The following MEGF6 variants were observed in gnomAD, a reference collection of about 807,000 sequenced individuals.
MEGF6 encodes multiple EGF like domains 6, also known as multiple epidermal growth factor-like domains protein 6.
Under a neutral mutation model 207.1 loss-of-function variants are expected in MEGF6, and 184 were observed. That is an observed-to-expected ratio of 0.89 (90% CI 0.79 to 1.00). MEGF6 has a LOEUF of 1.00. Ranked by LOEUF, MEGF6 falls within the 50% of genes least tolerant of loss-of-function variation. MEGF6 has a pLI of 0.00. For synonymous variants in MEGF6, 1,038 were observed against 910.0 expected (o/e 1.14, Z -2.53); for missense variants, 2,282 against 2,202.9 (o/e 1.04, Z -0.72).
At chr1:3,557,504 C>A (rs977126566) in intron 4 of MEGF6, among the ~76,000 whole-genome samples, 3 of 152,226 alleles carry the variant, frequency 2.0e-5, no homozygotes, top group Non-Finnish European at 2.9e-5. Flanking sequence ...ACGTGCCCAC[C>A]TCGCTGGGCG....
chr1:3,512,118 T>G lies in MEGF6; in HGVS notation c.864A>C (p.Glu288Asp). The G allele has an allele frequency of 6.2e-7, 1 of 1,607,182 alleles. No homozygotes were observed. Among genetic ancestry groups the G allele is most frequent in the Non-Finnish European group, 8.5e-7 (1 of 1,175,862 alleles). The stretch of plus-strand genomic sequence containing the variant: ...CACACTGGGCCAGCCCTGCGGCACA[T>G]TCGTCCACATCTGGAGGGGAGAGAC... ...ADGKACEDVD[E>D]CAAGLAQCAH... The change falls in exon 8 of 37, where the codon GAA becomes GAC. Residue 288 changes from glutamate (E) to aspartate (D), a missense_variant. Glu to Asp is a conservative substitution (Grantham distance 45). Transcript: ENST00000356575.
At chr1:3,588,609 G>A (rs529893865) in intron 3 of MEGF6, among the ~76,000 whole-genome samples, 60 of 152,014 alleles carry the variant, frequency 3.9e-4, no homozygotes, top group Admixed American at 2.8e-3. Context: ...GCACTGAAGC[G>A]TCCTCCCTGG....
In MEGF6 at chr1:3,490,070, G is replaced by A. The variant is rs548288964; in HGVS notation, c.*458C>T. Reference sequence around the variant, plus strand: ...TTCCAGCTGATCCCAGGGCTGCAGCGGGCATGTGCAGTGGCCCATAAATAC... The same window carrying A: ...TTCCAGCTGATCCCAGGGCTGCAGCAGGCATGTGCAGTGGCCCATAAATAC... On this transcript the variant is annotated 3_prime_UTR_variant, in exon 37 of 37. Coordinates refer to ENST00000356575, the MANE Select transcript of MEGF6 (RefSeq NM_001409.4). 8 of 165,290 alleles carry A rather than the reference G, an allele frequency of 4.8e-5. No individual in the cohort carries two copies. The highest frequency in any genetic ancestry group is 1.9e-4 in the East Asian group (1 of 5,386). 10.2% of individuals were successfully genotyped at this position (165,290 alleles called of 1,614,324 possible).
At chr1:3,588,673 C>G (rs1040348777) in intron 3 of MEGF6, among the ~76,000 whole-genome samples, 2 of 152,016 alleles carry the variant, frequency 1.3e-5, no homozygotes, top group Non-Finnish European at 2.9e-5. Flanking sequence ...AGGCTGGGCA[C>G]AGAGAAGGGC....
rs549005182 is a variant in MEGF6 at position 3,556,096 on chromosome 1, G to C, written c.481+23729C>G. Among the ~76,000 whole-genome samples the C allele has an allele frequency of 6.6e-6, 1 of 152,214 alleles. No individual in the cohort carries two copies. The highest frequency in any genetic ancestry group is 2.4e-5 in the African/African-American group (1 of 41,454). On this transcript the variant is annotated intron_variant, in intron 4 of 36. Coordinates refer to ENST00000356575, the MANE Select transcript of MEGF6 (RefSeq NM_001409.4). This position sits in a 1 kb window ranked among gnomAD's most constrained non-coding sequence, Gnocchi z 4.4. ...GTGGGCTGGGTTCAGAGACCTTGGG[G>C]GTGGGCTCCACCTGTTACAGCAGGA...
intron 14 of MEGF6, 106 bp from the exon 15 acceptor site, chr1:3,506,342 TG>T: frequency 7.1e-7 from 1 of 1,401,432 alleles, no homozygotes. Flanking sequence ...GCACAGGAGC[TG>T]GGAGCAGCCC....
chr1:3,581,275 C>T (rs988996982), intron 3 of MEGF6, among the ~76,000 whole-genome samples: 1 of 152,092 alleles, frequency 6.6e-6, no homozygotes, highest in Non-Finnish European at 1.5e-5. Context: ...CACCCTCCTG[C>T]AATCACAGCC....
the MEGF6 span, among the ~76,000 whole-genome samples, chr1:3,620,936 C>T: frequency 8.5e-5 from 13 of 152,216 alleles, no homozygotes; most frequent in Non-Finnish European, 2.9e-5. Context: ...CCCCGTTTGG[C>T]AGCTGAGGCG....
In MEGF6 at chr1:3,587,894, G is replaced by A. The variant is rs1355323892; in HGVS notation, c.376+7444C>T. ...GGAGTGGCCAGGAGTGGCCAGGAGGGGGCAGGAGTGGCCAGGAGGGGGCAG... is the reference window on the plus strand; with the variant it reads ...GGAGTGGCCAGGAGTGGCCAGGAGGAGGCAGGAGTGGCCAGGAGGGGGCAG... On this transcript the variant is annotated intron_variant, in intron 3 of 36. Coordinates refer to ENST00000356575, the MANE Select transcript of MEGF6 (RefSeq NM_001409.4). Among the ~76,000 whole-genome samples, 219 of 130,046 alleles carry A rather than the reference G, an allele frequency of 1.7e-3. 13 individuals are homozygous for A. In the East Asian group the frequency reaches 0.026, roughly 15 times the overall value. The allele number at this position is 130,046 out of a possible 152,430, so 85.3% of individuals were successfully genotyped here.
chr1:3,522,124 A>C lies in MEGF6; in HGVS notation c.604+2000T>G, dbSNP rs188405601. On this transcript the variant is annotated intron_variant, in intron 5 of 36. Coordinates refer to ENST00000356575, the MANE Select transcript of MEGF6 (RefSeq NM_001409.4). The stretch of plus-strand genomic sequence containing the variant: ...ACAGCTCCGGGGCTGTATTTCCTGA[A>C]GCTTCAGCGTAAAGGCCTTGCTGGG... Among the ~76,000 whole-genome samples, 36 of 152,320 alleles carry C rather than the reference A, an allele frequency of 2.4e-4. 2 individuals are homozygous for C. Among genetic ancestry groups the C allele is most frequent in the Admixed American group, 2.2e-3 (33 of 15,314 alleles).
At chr1:3,611,888 C>T (rs143541130), upstream of MEGF6, among the ~76,000 whole-genome samples, 1,101 of 152,082 alleles carry the variant, frequency 7.2e-3, 22 homozygotes, top group African/African-American at 0.025. Flanking sequence ...GGCCGGGCGC[C>T]AGGGGGCCAC....
At chr1:3,492,792 C>G (rs1640426675) in intron 34 of MEGF6, 25 bp from the exon 35 acceptor site, 18 of 1,598,164 alleles carry the variant, frequency 1.1e-5, no homozygotes, top group Non-Finnish European at 1.5e-5. Context: ...GGGCGGGAGA[C>G]AAACCTGAGC....
chr1:3,491,388 A>G (rs1281443910), intron 35 of MEGF6, among the ~76,000 whole-genome samples: 1 of 152,018 alleles, frequency 6.6e-6, no homozygotes, highest in Non-Finnish European at 1.5e-5. Context: ...AGTACCACAG[A>G]TGACCACTAG....
intron 4 of MEGF6, among the ~76,000 whole-genome samples, chr1:3,536,523 C>T (rs1272721921): frequency 2.6e-5 from 4 of 152,180 alleles, no homozygotes; most frequent in African/African-American, 7.2e-5. Flanking sequence ...CGGTAGAGAG[C>T]GCCTCCCAGG....
the MEGF6 span, among the ~76,000 whole-genome samples, chr1:3,616,587 G>A: frequency 6.6e-6 from 1 of 151,740 alleles, no homozygotes; most frequent in African/African-American, 2.4e-5. Flanking sequence ...CCGGGGGTGA[G>A]AGACGGGGTG....
chr1:3,536,416 G>A (rs1216907937), intron 4 of MEGF6, among the ~76,000 whole-genome samples: 1 of 152,116 alleles, frequency 6.6e-6, no homozygotes, highest in Non-Finnish European at 1.5e-5. Flanking sequence ...GTATAAATGA[G>A]CCCCAGCTGA....
intron 23 of MEGF6, 27 bp from the exon 24 acceptor site, chr1:3,499,293 C>A: frequency 6.3e-7 from 1 of 1,587,296 alleles, no homozygotes; most frequent in Non-Finnish European, 8.6e-7. Flanking sequence ...CTGGTCAGAG[C>A]CAGGGGTGGG....
chr1:3,606,313 G>C (rs1297113340), intron 1 of MEGF6, among the ~76,000 whole-genome samples: 2 of 152,198 alleles, frequency 1.3e-5, no homozygotes, highest in East Asian at 3.9e-4. Context: ...CATTCCTCGG[G>C]GTGGGAAGGA....
intron 2 of MEGF6, among the ~76,000 whole-genome samples, chr1:3,599,466 G>A (rs867141330): frequency 6.6e-6 from 1 of 152,254 alleles, no homozygotes; most frequent in African/African-American, 2.4e-5. Flanking sequence ...CACAGAAAGA[G>A]AAGGCCAGAA....
Sources: allele counts gnomAD v4.1 joint callset (sites outside exome capture counted in the v4.1 genomes callset), GRCh38; gene constraint gnomAD v4.1.1; non-coding constraint Gnocchi (gnomAD v3.1); transcripts MANE v1.5; gene names NCBI Gene and HGNC (gene_info 2026-07-23, HGNC 2026-07-21).